The following PDCD10 variants were observed in gnomAD, a reference collection of about 807,000 sequenced individuals.
PDCD10 encodes programmed cell death 10.
In PDCD10, 4 loss-of-function variants were observed where a neutral mutation model predicts 29.2. That is an observed-to-expected ratio of 0.14 (90% CI 0.07 to 0.31). The LOEUF (loss-of-function observed/expected upper bound fraction) is 0.31, where lower values mean the gene tolerates loss of function less well. Among genes scored for constraint, PDCD10 ranks in the 10% least tolerant of loss-of-function variants. The probability of loss-of-function intolerance (pLI) is 1.00; values close to 1 mark genes in which losing one functional copy is unlikely to be tolerated. For missense variants in PDCD10, 183 were observed against 257.9 expected (o/e 0.71, Z 1.99); for synonymous variants, 70 against 82.2 (o/e 0.85, Z 0.80).
At chr3:167,700,506 T>C (rs1721289464) in intron 4 of PDCD10, among the ~76,000 whole-genome samples, 1 of 151,840 alleles carries the variant, frequency 6.6e-6, no homozygotes, top group Admixed American at 6.6e-5. Context: ...AGGAAATTCA[T>C]GAAACAAAGC....
intron 2 of PDCD10, among the ~76,000 whole-genome samples, chr3:167,726,221 C>T (rs1283986773): frequency 1.3e-5 from 2 of 149,832 alleles, no homozygotes; most frequent in Non-Finnish European, 3.0e-5. Context: ...CTTCCTCAGC[C>T]TCTCGAGTAC....
chr3:167,698,789 C>A (rs1270525840), intron 4 of PDCD10, among the ~76,000 whole-genome samples: 1 of 152,066 alleles, frequency 6.6e-6, no homozygotes, highest in Non-Finnish European at 1.5e-5. Context: ...AAGCATATCT[C>A]TGATTAAGTT....
At chr3:167,706,351 G>A (rs1213975118) in intron 3 of PDCD10, among the ~76,000 whole-genome samples, 1 of 152,168 alleles carries the variant, frequency 6.6e-6, no homozygotes, top group Non-Finnish European at 1.5e-5. Flanking sequence ...GATGGGGATG[G>A]ATATGTTTTG....
chr3:167,729,549 C>A (rs547962759), intron 2 of PDCD10, among the ~76,000 whole-genome samples: 1 of 152,128 alleles, frequency 6.6e-6, no homozygotes, highest in Non-Finnish European at 1.5e-5. Flanking sequence ...CCTCTCTGTA[C>A]TTTAGTTTCC....
At chr3:167,688,432 G>A (rs1238957953) in intron 6 of PDCD10, among the ~76,000 whole-genome samples, 1 of 151,918 alleles carries the variant, frequency 6.6e-6, no homozygotes, top group African/African-American at 2.4e-5. Flanking sequence ...GACTATATAT[G>A]CATCATCACC....
intron 2 of PDCD10, among the ~76,000 whole-genome samples, chr3:167,720,970 G>GAA (rs929761744): frequency 1.3e-5 from 2 of 151,778 alleles, no homozygotes; most frequent in African/African-American, 4.8e-5. Context: ...AAAACCCAGA[G>GAA]GCTGGTAGTT....
At chr3:167,702,120 G>A (rs1467256495) in intron 4 of PDCD10, among the ~76,000 whole-genome samples, 1 of 152,140 alleles carries the variant, frequency 6.6e-6, no homozygotes, top group Non-Finnish European at 1.5e-5. Context: ...GTACTGTACA[G>A]AAACATTTTT....
At chr3:167,689,898 C>T (rs1720029200) in intron 6 of PDCD10, among the ~76,000 whole-genome samples, 1 of 152,100 alleles carries the variant, frequency 6.6e-6, no homozygotes, top group Non-Finnish European at 1.5e-5. Flanking sequence ...ATTATGTTAT[C>T]CATATGTACA....
chr3:167,696,109 A>G (rs769237347), intron 5 of PDCD10, among the ~76,000 whole-genome samples: 3 of 152,228 alleles, frequency 2.0e-5, no homozygotes, highest in African/African-American at 4.8e-5. Context: ...TGCAAAGGTA[A>G]TATCTACTTG....
chr3:167,691,830 C>G lies in PDCD10; in HGVS notation c.395+3766G>C, dbSNP rs539637702. Among the ~76,000 whole-genome samples the G allele has an allele frequency of 2.0e-5, 3 of 152,326 alleles. No homozygotes were observed. The South Asian group carries it at 6.2e-4, about 32-fold the overall frequency. ...GGCATTAGATTGCCTGGGTTCAAAT[C>G]CAGCTCTACCACTTAATAGGTAAGT... On this transcript the variant is annotated intron_variant, in intron 6 of 8. Transcript: ENST00000392750.
At chr3:167,701,728 C>A (rs551088562) in intron 4 of PDCD10, among the ~76,000 whole-genome samples, 1 of 152,098 alleles carries the variant, frequency 6.6e-6, no homozygotes, top group Admixed American at 6.5e-5. Flanking sequence ...AGAAAGAATA[C>A]CATGAAAGTC....
intron 3 of PDCD10, among the ~76,000 whole-genome samples, chr3:167,716,659 GA>G (rs1221207919): frequency 6.6e-6 from 1 of 151,780 alleles, no homozygotes; most frequent in Non-Finnish European, 1.5e-5. Flanking sequence ...TGCTAACTAG[GA>G]AAAATTAAGA....
chr3:167,695,752 T>C, intron 5 of PDCD10, 30 bp from the exon 6 acceptor site: 1 of 1,608,554 alleles, frequency 6.2e-7, no homozygotes, highest in South Asian at 1.1e-5. Context: ...ATAAAAAACA[T>C]CCTGCGACTC....
chr3:167,707,078 GT>G (rs1010478152), intron 3 of PDCD10, among the ~76,000 whole-genome samples: 6 of 152,184 alleles, frequency 3.9e-5, no homozygotes, highest in Non-Finnish European at 8.8e-5. Context: ...ATGTACTTGA[GT>G]TCCTACATGT....
At chr3:167,711,913 A>C (rs77425168) in intron 3 of PDCD10, among the ~76,000 whole-genome samples, 2,049 of 152,232 alleles carry the variant, frequency 0.013, 43 homozygotes, top group African/African-American at 0.047. Context: ...TATCCAACAA[A>C]AATATCCTTC....
intron 4 of PDCD10, among the ~76,000 whole-genome samples, chr3:167,702,124 C>T (rs1721504485): frequency 6.6e-6 from 1 of 152,146 alleles, no homozygotes; most frequent in Non-Finnish European, 1.5e-5. Context: ...TGTACAGAAA[C>T]ATTTTTAGAG....
intron 3 of PDCD10, among the ~76,000 whole-genome samples, chr3:167,714,850 G>A (rs998391893): frequency 6.6e-6 from 1 of 151,864 alleles, no homozygotes; most frequent in African/African-American, 2.4e-5. Flanking sequence ...TTGTTAAAAT[G>A]CCCACAGTAC....
chr3:167,688,590 ATTT>A (rs774160738), intron 6 of PDCD10, among the ~76,000 whole-genome samples: 6 of 151,916 alleles, frequency 3.9e-5, no homozygotes, highest in Non-Finnish European at 8.8e-5. Flanking sequence ...CCTCATAGCA[ATTT>A]TTTTCCGCCA....
intron 6 of PDCD10, among the ~76,000 whole-genome samples, chr3:167,688,535 T>G (rs1279275128): frequency 2.0e-5 from 3 of 152,156 alleles, no homozygotes; most frequent in Admixed American, 6.5e-5. Context: ...TTTCTGAACT[T>G]TTTTTTGCCT....
Sources: allele counts gnomAD v4.1 joint callset (sites outside exome capture counted in the v4.1 genomes callset), GRCh38; gene constraint gnomAD v4.1.1; transcripts MANE v1.5; gene names NCBI Gene and HGNC (gene_info 2026-07-23, HGNC 2026-07-21).